GLI3: variants seen among roughly 807,000 people sequenced by gnomAD.
The protein encoded by GLI3 is transcription activator GLI3.
In GLI3, 20 loss-of-function variants were observed where a neutral mutation model predicts 100.8. The ratio of observed to expected loss-of-function variants is 0.20; its 90% CI spans 0.14 to 0.29. GLI3 has a LOEUF of 0.29. Ranked by LOEUF, GLI3 falls within the 10% of genes least tolerant of loss-of-function variation. The probability of loss-of-function intolerance (pLI) is 1.00; values close to 1 mark genes in which losing one functional copy is unlikely to be tolerated. For synonymous variants in GLI3, 938 were observed against 860.5 expected, an observed-to-expected ratio of 1.09 and a Z score of -1.58; for missense variants, 2,040 against 2,128.5, an observed-to-expected ratio of 0.96 and a Z score of 0.82.
Position 41,972,772 on chromosome 7 carries a change from A to T in GLI3, c.1813-145T>A, listed in dbSNP as rs1016804545. On this transcript the variant is annotated intron_variant, in intron 12 of 14. Transcript: ENST00000395925. The surrounding 1 kb of genome is among the most constrained non-coding windows in gnomAD (Gnocchi z 4.4). ...TTTGAGGTGTTCAGATACCTCTAGGAACTAATAGTTTAATAAGGCCATTAG... is the reference window on the plus strand; with the variant it reads ...TTTGAGGTGTTCAGATACCTCTAGGTACTAATAGTTTAATAAGGCCATTAG... 8 of 703,030 alleles carry T rather than the reference A, an allele frequency of 1.1e-5. No homozygotes were observed. Among genetic ancestry groups the T allele is most frequent in the Non-Finnish European group, 1.8e-5 (7 of 397,250 alleles). The allele number at this position is 703,030 out of a possible 1,614,324, so 43.5% of individuals were successfully genotyped here. A position where few individuals can be genotyped will look rare whatever the true frequency, so the allele number is the denominator to read the frequency against.
intron 1 of GLI3, among the ~76,000 whole-genome samples, chr7:42,233,839 C>T (rs1788738738): frequency 6.6e-6 from 1 of 152,074 alleles, no homozygotes; most frequent in South Asian, 2.1e-4. Context: ...GAAAAGACAA[C>T]CTGAAGTCAT....
At chr7:42,141,787 G>A (rs954086360) in intron 3 of GLI3, among the ~76,000 whole-genome samples, 5 of 152,224 alleles carry the variant, frequency 3.3e-5, no homozygotes, top group Non-Finnish European at 7.3e-5. Context: ...CAGAGGTTGT[G>A]TACAATAACT....
chr7:42,026,818 A>C (rs957099327), intron 7 of GLI3, among the ~76,000 whole-genome samples: 2 of 152,318 alleles, frequency 1.3e-5, no homozygotes, highest in East Asian at 3.9e-4. Flanking sequence ...GCACGCTTTC[A>C]TATGTCTCCA....
chr7:42,021,479 G>A (rs904201379), intron 10 of GLI3, among the ~76,000 whole-genome samples: 2 of 152,008 alleles, frequency 1.3e-5, no homozygotes, highest in African/African-American at 4.8e-5. Context: ...GAGACCATCG[G>A]CCACTGAAAT....
chr7:42,003,252 C>T (rs914036985), intron 10 of GLI3, among the ~76,000 whole-genome samples: 1 of 151,968 alleles, frequency 6.6e-6, no homozygotes, highest in African/African-American at 2.4e-5. Context: ...GTTATAATCT[C>T]GAAGTGCATG....
chr7:42,023,370 T>C, intron 10 of GLI3, 98 bp downstream of exon 10: 2 of 1,272,320 alleles, frequency 1.6e-6, no homozygotes, highest in East Asian at 2.3e-5. Context: ...GCAATGCGGC[T>C]CCTAAGAAAC....
chr7:42,099,783 G>A (rs1043485490), intron 3 of GLI3, among the ~76,000 whole-genome samples: 2 of 152,212 alleles, frequency 1.3e-5, no homozygotes, highest in Non-Finnish European at 2.9e-5. Flanking sequence ...CTCCCACATT[G>A]GCCTCCCAAA....
At chr7:42,091,839 A>G (rs1417502705) in intron 3 of GLI3, among the ~76,000 whole-genome samples, 1 of 152,186 alleles carries the variant, frequency 6.6e-6, no homozygotes. Context: ...CCCTCCACAA[A>G]GCAGATATGC....
intron 4 of GLI3, among the ~76,000 whole-genome samples, chr7:42,072,903 T>TTG (rs1784811240): frequency 6.6e-6 from 1 of 152,118 alleles, no homozygotes; most frequent in Non-Finnish European, 1.5e-5. Context: ...CTCAAAGGAT[T>TTG]TGAGAGAGAG....
At chr7:42,072,921 G>C (rs1261017134) in intron 4 of GLI3, among the ~76,000 whole-genome samples, 1 of 152,190 alleles carries the variant, frequency 6.6e-6, no homozygotes, top group Non-Finnish European at 1.5e-5. Flanking sequence ...GAGGGAGAGA[G>C]AGCAACATTC....
rs139938580 is a variant in GLI3 at position 42,210,426 on chromosome 7, C to CAGT, written c.124+12701_124+12703dup. On this transcript the variant is annotated intron_variant, in intron 2 of 14. Coordinates refer to ENST00000395925, the MANE Select transcript of GLI3 (RefSeq NM_000168.6). ...TTGTACTTGTATTATTAGTATACCC[C>CAGT]AGTATTATAAAGTTTCTATATTTGA... Among the ~76,000 whole-genome samples the CAGT allele has an allele frequency of 5.2e-3, 717 of 138,512 alleles. 5 individuals carry two copies. Among genetic ancestry groups the CAGT allele is most frequent in the African/African-American group, 0.018 (685 of 37,398 alleles). The allele number at this position is 138,512 out of a possible 152,430, so 90.9% of individuals were successfully genotyped here.
chr7:41,997,246 G>A (rs1788152139), intron 10 of GLI3, among the ~76,000 whole-genome samples: 1 of 152,124 alleles, frequency 6.6e-6, no homozygotes, highest in South Asian at 2.1e-4. Context: ...GGCTGATAAA[G>A]AAACCTGACA....
chr7:42,094,561 C>T (rs556591186), intron 3 of GLI3, among the ~76,000 whole-genome samples: 50 of 151,604 alleles, frequency 3.3e-4, no homozygotes, highest in Middle Eastern at 6.8e-3. Flanking sequence ...CATGTCGAAA[C>T]CCCATCTCTA....
In GLI3 at chr7:42,172,411, T is replaced by C. The variant is rs1194405275; in HGVS notation, c.125-23943A>G. 3 of 612,698 alleles carry C rather than the reference T, an allele frequency of 4.9e-6. No homozygotes were observed. The East Asian group carries it at 8.2e-5, about 17-fold the overall frequency. The allele number at this position is 612,698 out of a possible 1,614,324, so 38.0% of individuals were successfully genotyped here. On this transcript the variant is annotated intron_variant, in intron 2 of 14. Transcript: ENST00000395925. ...AGAGGAGAATTTGCATGGCTGGCAT[T>C]TCTATCAAAAAGCAGAATTAGATAG...
intron 12 of GLI3, among the ~76,000 whole-genome samples, chr7:41,975,439 G>A (rs1225212070): frequency 6.6e-6 from 1 of 152,166 alleles, no homozygotes; most frequent in African/African-American, 2.4e-5. Context: ...ATGTCCATCA[G>A]TCACACACAG....
chr7:42,198,367 G>T (rs1787971920), intron 2 of GLI3, among the ~76,000 whole-genome samples: 1 of 152,200 alleles, frequency 6.6e-6, no homozygotes, highest in Non-Finnish European at 1.5e-5. Flanking sequence ...AGTGTCTGAG[G>T]CTGGAGAGTG....
intron 3 of GLI3, among the ~76,000 whole-genome samples, chr7:42,147,874 C>T (rs1376439745): frequency 2.0e-5 from 3 of 152,128 alleles, no homozygotes; most frequent in Non-Finnish European, 4.4e-5. Flanking sequence ...TTCATAACTT[C>T]ATAACAACAA....
intron 6 of GLI3, 152 bp downstream of exon 6, chr7:42,045,232 C>T (rs1389793569): frequency 1.1e-5 from 9 of 819,726 alleles, no homozygotes; most frequent in Admixed American, 3.5e-5. Context: ...TTCTAGAAAA[C>T]GAAGGGAACC....
chr7:42,004,678 A>G (rs1011088992), intron 10 of GLI3, among the ~76,000 whole-genome samples: 17 of 152,212 alleles, frequency 1.1e-4, no homozygotes, highest in African/African-American at 4.1e-4. Flanking sequence ...GGGTCTCACT[A>G]TGTTGCCAGG....
Sources: gnomAD v4.1 joint callset for allele counts (sites outside exome capture counted in the v4.1 genomes callset) on GRCh38, gnomAD v4.1.1 for gene constraint, Gnocchi (gnomAD v3.1) non-coding constraint, MANE v1.5 for transcripts, NCBI Gene and HGNC (gene_info 2026-07-23, HGNC 2026-07-21) for gene names.